Variants in FRY observed in about 807,000 individuals in gnomAD.
The protein encoded by FRY is protein furry homolog.
A neutral mutation model predicts 348.4 loss-of-function variants in FRY; 128 were observed. That is an observed-to-expected ratio of 0.37 (90% CI 0.32 to 0.43). FRY has a LOEUF of 0.43. Among genes scored for constraint, FRY ranks in the 20% least tolerant of loss-of-function variants. The pLI, the probability that FRY is intolerant of heterozygous loss-of-function variation, is 1.00. For synonymous variants in FRY, 1,370 were observed against 1,374.7 expected, an observed-to-expected ratio of 1.00 and a Z score of 0.08; for missense variants, 2,736 against 3,695.2, an observed-to-expected ratio of 0.74 and a Z score of 6.73.
chr13:32,077,580 G>A (rs1875165880), intron 1 of FRY, among the ~76,000 whole-genome samples: 1 of 152,274 alleles, frequency 6.6e-6, no homozygotes, highest in East Asian at 1.9e-4. Flanking sequence ...ATGTGAGGGA[G>A]AGTCGTCTGT....
At chr13:32,163,283 A>G (rs1311814351) in intron 17 of FRY, among the ~76,000 whole-genome samples, 2 of 152,214 alleles carry the variant, frequency 1.3e-5, no homozygotes, top group Non-Finnish European at 2.9e-5. Context: ...CATCTAACAG[A>G]CATGGAGGAA....
intron 1 of FRY, among the ~76,000 whole-genome samples, chr13:32,063,162 G>C (rs900515330): frequency 2.0e-5 from 3 of 152,096 alleles, no homozygotes; most frequent in Non-Finnish European, 4.4e-5. Flanking sequence ...ATGTTTATTT[G>C]TCAAAAGATG....
At position 32,062,282 on chromosome 13, in the gene FRY, A is replaced by G. The variant is rs555446464; in HGVS notation, c.71-16552A>G. 5.9e-5 allele frequency among the ~76,000 whole-genome samples: 9 copies of G among 152,076 alleles called. No individual in the cohort carries two copies. In the East Asian group the frequency reaches 1.7e-3, roughly 29 times the overall value. On this transcript the variant is annotated intron_variant, in intron 1 of 60. Transcript: ENST00000542859. ...AAGGTTGCATCATTATAGGACTCAT[A>G]TGAAATGCTAAATATTTCTATTGTA...
intron 22 of FRY, among the ~76,000 whole-genome samples, 173 bp from the exon 23 acceptor site, chr13:32,179,502 T>TG (rs1325145068): frequency 2.1e-5 from 3 of 142,242 alleles, no homozygotes; most frequent in African/African-American, 5.5e-5. Flanking sequence ...CTGTATTAAA[T>TG]TTGTGTGTGT....
chr13:32,142,550 T>C (rs1880140392), intron 11 of FRY, among the ~76,000 whole-genome samples: 1 of 152,216 alleles, frequency 6.6e-6, no homozygotes, highest in Admixed American at 6.5e-5. Flanking sequence ...TATTGGGCCT[T>C]CCCTCATTTA....
chr13:32,045,708 A>C (rs1171727768), intron 1 of FRY, among the ~76,000 whole-genome samples: 1 of 152,196 alleles, frequency 6.6e-6, no homozygotes, highest in Non-Finnish European at 1.5e-5. Context: ...CTATAATCTA[A>C]ATACCAGTGA....
intron 2 of FRY, among the ~76,000 whole-genome samples, chr13:32,081,314 C>T (rs1359138487): frequency 6.6e-6 from 1 of 152,094 alleles, no homozygotes; most frequent in Non-Finnish European, 1.5e-5. Flanking sequence ...TGAATCTAAT[C>T]AGTTTTTAGT....
intron 8 of FRY, 51 bp downstream of exon 8, chr13:32,131,891 T>C (rs41308556): frequency 0.041 from 56,170 of 1,362,532 alleles, 1,513 homozygotes; most frequent in African/African-American, 0.094. Flanking sequence ...AGCACTTCCC[T>C]TCCTCAAAAT....
chr13:32,119,302 T>C (rs1039092082), intron 4 of FRY, among the ~76,000 whole-genome samples: 4 of 152,212 alleles, frequency 2.6e-5, no homozygotes, highest in African/African-American at 9.6e-5. Context: ...AAAATAGATG[T>C]CAGGGATGCA....
chr13:32,115,655 AC>A (rs1878251885), intron 3 of FRY, among the ~76,000 whole-genome samples: 1 of 151,764 alleles, frequency 6.6e-6, no homozygotes, highest in South Asian at 2.1e-4. Context: ...GTTACTTTAT[AC>A]CTTCATTACT....
intron 2 of FRY, among the ~76,000 whole-genome samples, chr13:32,093,375 TC>T: frequency 6.6e-6 from 1 of 152,312 alleles, no homozygotes; most frequent in Non-Finnish European, 1.5e-5. Context: ...TTTAAAGAAA[TC>T]AACAGACTCC....
At chr13:32,171,810 A>T (rs1383106413) in intron 18 of FRY, among the ~76,000 whole-genome samples, 1 of 88,522 alleles carries the variant, frequency 1.1e-5, no homozygotes, top group Non-Finnish European at 2.4e-5. Flanking sequence ...CTATTTAGGG[A>T]ATAGAAATTG....
intron 28 of FRY, among the ~76,000 whole-genome samples, chr13:32,192,739 CTTT>C (rs71194513): frequency 3.0e-5 from 3 of 99,234 alleles, no homozygotes; most frequent in Admixed American, 1.1e-4. Context: ...CAGAATGTTA[CTTT>C]TTTTTTTTTT....
chr13:32,199,041 G>A (rs1292153141), intron 29 of FRY, among the ~76,000 whole-genome samples: 2 of 152,224 alleles, frequency 1.3e-5, no homozygotes, highest in Non-Finnish European at 1.5e-5. Flanking sequence ...GATTTCCCAG[G>A]AAATAGACTG....
chr13:32,287,831 C>T (rs1226747106), intron 58 of FRY: 1 of 1,321,388 alleles, frequency 7.6e-7, no homozygotes, highest in Non-Finnish European at 1.0e-6. Context: ...ACTTTCTTTC[C>T]TTTCCTTTGT....
chr13:32,171,186 G>A lies in FRY; in HGVS notation c.2067G>A (p.Leu689=). 2 of 1,613,314 alleles carry A rather than the reference G, an allele frequency of 1.2e-6. No homozygotes were observed. The highest frequency in any genetic ancestry group is 1.7e-6 in the Non-Finnish European group (2 of 1,179,496). The part of the protein sequence containing the change: ...HTLLDSSLKL[L]LQLLTQWKLV... ...TCCTTGATTCGTCCCTGAAGTTGCT[G>A]CTGCAGCTGCTCACCCAGTGGAAAC... The change falls in exon 18 of 61, where the codon CTG becomes CTA. Residue 689 remains leucine (L), a synonymous_variant. Coordinates refer to ENST00000542859, the MANE Select transcript of FRY (RefSeq NM_023037.3).
At chr13:32,227,493 G>A (rs1885642153) in intron 39 of FRY, among the ~76,000 whole-genome samples, 1 of 152,116 alleles carries the variant, frequency 6.6e-6, no homozygotes, top group African/African-American at 2.4e-5. Context: ...TTATTAAATA[G>A]GGGAAAAGGG....
chr13:32,092,006 A>G (rs1188302408), intron 2 of FRY, among the ~76,000 whole-genome samples: 2 of 152,212 alleles, frequency 1.3e-5, no homozygotes, highest in Non-Finnish European at 2.9e-5. Flanking sequence ...AACTAATTGA[A>G]TAATCTCATA....
chr13:32,147,641 T>G (rs955276151), intron 12 of FRY, among the ~76,000 whole-genome samples, 198 bp from the exon 13 acceptor site: 4 of 152,234 alleles, frequency 2.6e-5, no homozygotes, highest in Non-Finnish European at 5.9e-5. Context: ...AAAGCAGCTG[T>G]AATTTTCCAA....
Sources: gnomAD v4.1 joint callset for allele counts (sites outside exome capture counted in the v4.1 genomes callset) on GRCh38, gnomAD v4.1.1 for gene constraint, MANE v1.5 for transcripts, NCBI Gene and HGNC (gene_info 2026-07-23, HGNC 2026-07-21) for gene names.